The following SPIRE1 variants were observed in gnomAD, a reference collection of about 807,000 sequenced individuals.
SPIRE1 encodes the protein spire type actin nucleation factor 1, also known as protein spire homolog 1.
In SPIRE1, 40 loss-of-function variants were observed where a neutral mutation model predicts 94.1. That is an observed-to-expected ratio of 0.43 (90% CI 0.33 to 0.55). SPIRE1 has a LOEUF of 0.55. SPIRE1 is among the 20% of genes least tolerant of loss of function. SPIRE1 has a pLI of 0.06. For synonymous variants in SPIRE1, 376 were observed against 371.7 expected (o/e 1.01, Z -0.13); for missense variants, 838 against 975.2 (o/e 0.86, Z 1.87).
chr18:12,450,156 C>A (rs2031161586), intron 16 of SPIRE1, among the ~76,000 whole-genome samples: 1 of 150,702 alleles, frequency 6.6e-6, no homozygotes, highest in Non-Finnish European at 1.5e-5. Context: ...AGGCAGATCA[C>A]CTGAGGTCAG....
chr18:12,449,985 G>T, intron 16 of SPIRE1, 89 bp from the exon 17 acceptor site: 1 of 1,363,644 alleles, frequency 7.3e-7, no homozygotes, highest in South Asian at 1.4e-5. Context: ...AAGTAAATTT[G>T]TTGTCAAAAC....
At chr18:12,494,464 G>T (rs939005708) in intron 7 of SPIRE1, among the ~76,000 whole-genome samples, 2 of 151,984 alleles carry the variant, frequency 1.3e-5, no homozygotes, top group Non-Finnish European at 2.9e-5. Flanking sequence ...GGGAGACACA[G>T]TGAGACTGTG....
chr18:12,482,492 T>C (rs1188910911), intron 9 of SPIRE1, among the ~76,000 whole-genome samples: 1 of 152,164 alleles, frequency 6.6e-6, no homozygotes, highest in African/African-American at 2.4e-5. Context: ...AAATACTTTT[T>C]GCTGCAGAAA....
chr18:12,598,619 GA>G (rs2036745636), intron 2 of SPIRE1, among the ~76,000 whole-genome samples: 1 of 152,106 alleles, frequency 6.6e-6, no homozygotes, highest in Non-Finnish European at 1.5e-5. Flanking sequence ...AAAACTTACA[GA>G]AAAGTCTCAG....
At chr18:12,540,276 T>C (rs2034977361) in intron 3 of SPIRE1, among the ~76,000 whole-genome samples, 1 of 152,190 alleles carries the variant, frequency 6.6e-6, no homozygotes, top group South Asian at 2.1e-4. Context: ...ACCAATCTTT[T>C]TGCTGATTCC....
chr18:12,593,384 A>C (rs2036585943), intron 2 of SPIRE1, among the ~76,000 whole-genome samples: 1 of 152,224 alleles, frequency 6.6e-6, no homozygotes, highest in South Asian at 2.1e-4. Flanking sequence ...TGAAACAACA[A>C]TTTTTAAACA....
chr18:12,534,890 T>C lies in SPIRE1; in HGVS notation c.729+586A>G, dbSNP rs141292444. Among the ~76,000 whole-genome samples the C allele has an allele frequency of 1.1e-4, 17 of 152,308 alleles. No homozygotes were observed. In the East Asian group the frequency reaches 3.3e-3, roughly 29 times the overall value. On this transcript the variant is annotated intron_variant, in intron 4 of 16. Coordinates refer to ENST00000409402, the MANE Select transcript of SPIRE1 (RefSeq NM_001128626.2). ...TATACCTATATGTCTATATATCCCA[T>C]TGGCTCTGTCTCTCTGGATAACCCT...
chr18:12,629,634 C>T lies in SPIRE1; in HGVS notation c.372+5428G>A, dbSNP rs557001289. ...AGAGGGGCTGGGAGGAGGGGCAGGG[C>T]TAACTACAAAGTGGCATGGGGGACG... is the stretch of plus-strand genomic sequence containing the variant. On this transcript the variant is annotated intron_variant, in intron 2 of 16. Coordinates refer to ENST00000409402, the MANE Select transcript of SPIRE1 (RefSeq NM_001128626.2). 2.3e-4 allele frequency among the ~76,000 whole-genome samples: 35 copies of T among 151,972 alleles called. 1 individual carries two copies. The highest frequency in any genetic ancestry group is 1.6e-3 in the Admixed American group (24 of 15,242).
intron 1 of SPIRE1, chr18:12,636,449 T>A (rs1418664405): frequency 6.7e-6 from 1 of 150,116 alleles, no homozygotes; most frequent in Non-Finnish European, 1.5e-5. Context: ...ATAGCTTTTG[T>A]ATGCTCCCAA....
chr18:12,657,916 C>T lies in SPIRE1; in HGVS notation c.-50G>A, dbSNP rs1265752325. On this transcript the variant is annotated 5_prime_UTR_variant, in exon 1 of 17. Transcript: ENST00000409402. The stretch of plus-strand genomic sequence containing the variant: ...CAGTCGCGCCGTGTGCCGGCGTCTC[C>T]TCAGCTCCGGAGCATCGTCGTCGCG... 3.9e-6 allele frequency: 4 copies of T among 1,024,802 alleles called. No homozygotes were observed. Among genetic ancestry groups the T allele is most frequent in the Non-Finnish European group, 4.7e-6 (4 of 858,150 alleles). The allele number at this position is 1,024,802 out of a possible 1,614,324, so 63.5% of individuals were successfully genotyped here. A position where few individuals can be genotyped will look rare whatever the true frequency, so the allele number is the denominator to read the frequency against.
chr18:12,611,657 AAGT>A (rs2037144731), intron 2 of SPIRE1, among the ~76,000 whole-genome samples: 1 of 152,094 alleles, frequency 6.6e-6, no homozygotes. Context: ...AGTGACTCTT[AAGT>A]TTTACTTTGT....
chr18:12,524,189 T>C (rs2034438899), intron 4 of SPIRE1, among the ~76,000 whole-genome samples: 1 of 152,262 alleles, frequency 6.6e-6, no homozygotes, highest in South Asian at 2.1e-4. Context: ...TATAATACTT[T>C]GAAAAATTCA....
At chr18:12,544,360 T>A (rs1213629209) in intron 3 of SPIRE1, among the ~76,000 whole-genome samples, 2 of 140,842 alleles carry the variant, frequency 1.4e-5, no homozygotes, top group African/African-American at 4.9e-5. Flanking sequence ...CCACCACACC[T>A]GATTAATTTT....
chr18:12,514,671 T>C (rs1373312089), intron 4 of SPIRE1, among the ~76,000 whole-genome samples: 2 of 152,174 alleles, frequency 1.3e-5, no homozygotes, highest in Admixed American at 1.3e-4. Context: ...GAAAAATCTA[T>C]GTTCTCCTCT....
chr18:12,551,361 T>C (rs1476922277), intron 2 of SPIRE1, among the ~76,000 whole-genome samples: 1 of 152,172 alleles, frequency 6.6e-6, no homozygotes, highest in East Asian at 1.9e-4. Context: ...TAAAATAAAA[T>C]ATTTAGTAGA....
rs1399942327 is a variant in SPIRE1, at chr18:12,453,099, T to A, written c.1816A>T (p.Thr606Ser). 1 of 1,607,412 alleles carries A rather than the reference T, an allele frequency of 6.2e-7. No individual in the cohort carries two copies. The highest frequency in any genetic ancestry group is 8.5e-7 in the Non-Finnish European group (1 of 1,178,448). ...CCRTRRFSFF[T>S]WSYTCQFCKR... The stretch of plus-strand genomic sequence containing the variant: ...CAGAACTGACAGGTATAAGACCAAG[T>A]GAAGAAGGAAAACCTCCTGGTTCGG... Residue 606 changes from threonine (T) to serine (S), a missense_variant, in exon 14 of 17, where the codon ACT (threonine) becomes TCT (serine). Around this residue, in one of 2 missense-constraint regions of SPIRE1, gnomAD observed 645 missense variants for 804.7 expected, o/e 0.80. Coordinates refer to ENST00000409402, the MANE Select transcript of SPIRE1 (RefSeq NM_001128626.2).
intron 11 of SPIRE1, among the ~76,000 whole-genome samples, 169 bp from the exon 12 acceptor site, chr18:12,463,662 G>A (rs1458403020): frequency 6.6e-6 from 1 of 152,186 alleles, no homozygotes; most frequent in East Asian, 1.9e-4. Context: ...GGCTGTTACA[G>A]AAGAATCTTT....
chr18:12,488,077 C>T (rs1338637857), intron 8 of SPIRE1, among the ~76,000 whole-genome samples: 5 of 152,202 alleles, frequency 3.3e-5, no homozygotes, highest in African/African-American at 7.2e-5. Context: ...GCACAGTCTT[C>T]GTTTTCCATT....
At chr18:12,647,315 T>C (rs1389649996) in intron 1 of SPIRE1, among the ~76,000 whole-genome samples, 3 of 152,174 alleles carry the variant, frequency 2.0e-5, no homozygotes, top group Admixed American at 1.3e-4. Context: ...TCAACAAAAA[T>C]GCTACATTTG....
Sources: allele counts gnomAD v4.1 joint callset (sites outside exome capture counted in the v4.1 genomes callset), GRCh38; gene constraint gnomAD v4.1.1; regional missense constraint gnomAD v4.1.1; transcripts MANE v1.5; gene names NCBI Gene and HGNC (gene_info 2026-07-23, HGNC 2026-07-21).